HSD17B12: variants seen among roughly 807,000 people sequenced by gnomAD.
The protein encoded by HSD17B12 is very-long-chain 3-oxoacyl-CoA reductase.
A neutral mutation model predicts 39.3 loss-of-function variants in HSD17B12; 32 were observed. The ratio of observed to expected loss-of-function variants is 0.81; its 90% confidence interval spans 0.61 to 1.09. HSD17B12 has a LOEUF of 1.09. Among genes scored for constraint, HSD17B12 ranks in the 50% least tolerant of loss-of-function variants. The pLI is 0.00. For missense variants in HSD17B12, 342 were observed against 382.9 expected (o/e 0.89, Z 0.89); for synonymous variants, 150 against 146.7 (o/e 1.02, Z -0.16).
chr11:43,702,538 A>AT (rs1236252448), intron 1 of HSD17B12, among the ~76,000 whole-genome samples: 3 of 152,234 alleles, frequency 2.0e-5, no homozygotes, highest in Non-Finnish European at 2.9e-5. Context: ...ATTTTATCAA[A>AT]TGCTTTTTCA....
chr11:43,680,766 C>T lies in HSD17B12; in HGVS notation c.-62C>T. 6.8e-7 allele frequency: 1 copy of T among 1,477,642 alleles called. No individual in the cohort carries two copies. The highest frequency in any genetic ancestry group is 1.1e-5 in the South Asian group (1 of 88,212). 91.5% of individuals were successfully genotyped at this position (1,477,642 alleles called of 1,614,324 possible). ...ATCCTCACCGTCACGGCCGGCGCCTCCTCCTGGATTCATTCACTCGCTCTT... is the reference window on the plus strand; with the variant it reads ...ATCCTCACCGTCACGGCCGGCGCCTTCTCCTGGATTCATTCACTCGCTCTT... On this transcript the variant is annotated 5_prime_UTR_variant, in exon 1 of 11. Coordinates refer to ENST00000278353, the MANE Select transcript of HSD17B12 (RefSeq NM_016142.3).
chr11:43,741,426 A>G (rs1232716177), intron 1 of HSD17B12, among the ~76,000 whole-genome samples: 2 of 152,010 alleles, frequency 1.3e-5, no homozygotes, highest in Non-Finnish European at 2.9e-5. Flanking sequence ...AGTTTACACC[A>G]TTTTTCTATT....
the HSD17B12 span, among the ~76,000 whole-genome samples, chr11:43,571,633 A>T: frequency 1.2e-4 from 19 of 152,266 alleles, no homozygotes; most frequent in African/African-American, 4.6e-4. Context: ...TATTGTCTCA[A>T]CTGTTCTGAA....
intron 6 of HSD17B12, among the ~76,000 whole-genome samples, chr11:43,822,153 T>G (rs1475775474): frequency 6.6e-6 from 1 of 152,128 alleles, no homozygotes; most frequent in Admixed American, 6.6e-5. Flanking sequence ...ATTACCTTTT[T>G]CTTAGAGCAG....
At chr11:43,746,383 CT>C (rs998309275) in intron 1 of HSD17B12, among the ~76,000 whole-genome samples, 6 of 151,830 alleles carry the variant, frequency 4.0e-5, no homozygotes, top group Non-Finnish European at 5.9e-5. Context: ...ACTTTTTAAG[CT>C]TTTTTTTGTT....
intron 1 of HSD17B12, among the ~76,000 whole-genome samples, chr11:43,725,207 CTAGT>C (rs1590696358): frequency 6.6e-6 from 1 of 152,170 alleles, no homozygotes; most frequent in East Asian, 1.9e-4. Context: ...CAGTCATTTC[CTAGT>C]TTTGTTACCT....
At chr11:43,633,663 A>G in the HSD17B12 span, among the ~76,000 whole-genome samples, 1 of 152,252 alleles carries the variant, frequency 6.6e-6, no homozygotes, top group East Asian at 1.9e-4. Flanking sequence ...GAATGTTTTT[A>G]GCTGTTCCAC....
the HSD17B12 span, among the ~76,000 whole-genome samples, chr11:43,587,402 C>T: frequency 6.6e-6 from 1 of 151,740 alleles, no homozygotes; most frequent in Non-Finnish European, 1.5e-5. Context: ...AAATTTTTTT[C>T]ATTGAGTCTC....
At chr11:43,734,048 T>C in intron 1 of HSD17B12, 1 of 812,404 alleles carries the variant, frequency 1.2e-6, no homozygotes. Flanking sequence ...TCTTCCGGCC[T>C]ATCGCTAGCC....
chr11:43,757,404 C>A (rs559534172), intron 3 of HSD17B12, among the ~76,000 whole-genome samples: 1 of 151,010 alleles, frequency 6.6e-6, no homozygotes, highest in Non-Finnish European at 1.5e-5. Context: ...GAGGCCGAGG[C>A]GGGTGGATCA....
chr11:43,847,713 C>CAAAAAA (rs1391600484), intron 9 of HSD17B12, among the ~76,000 whole-genome samples: 1 of 17,572 alleles, frequency 5.7e-5, no homozygotes, highest in East Asian at 1.9e-3. Context: ...GACTCTGCCT[C>CAAAAAA]ACAAAAAAAA....
the HSD17B12 span, among the ~76,000 whole-genome samples, chr11:43,638,134 C>T: frequency 2.0e-5 from 3 of 152,148 alleles, no homozygotes; most frequent in Admixed American, 6.5e-5. Context: ...GCTTATATGG[C>T]GATATTCCAG....
chr11:43,734,693 G>A, intron 1 of HSD17B12: 2 of 244,326 alleles, frequency 8.2e-6, no homozygotes, highest in Non-Finnish European at 8.1e-6. Flanking sequence ...AAAAAGTGAA[G>A]GAAATAAAGG....
intron 4 of HSD17B12, among the ~76,000 whole-genome samples, chr11:43,800,519 A>C (rs1950956364): frequency 1.3e-5 from 2 of 152,068 alleles, no homozygotes; most frequent in Admixed American, 1.3e-4. Context: ...TGTACAAGGC[A>C]CTCTTTAGCT....
rs183567971 is a variant in HSD17B12, at chr11:43,827,765, G to A, written c.502-3211G>A. Reference sequence around the variant, plus strand: ...GTACTGATTTTGATTTTGTATAAGCGAAATAAGCCTCTTATTTATTTCCCA... The same window carrying A: ...GTACTGATTTTGATTTTGTATAAGCAAAATAAGCCTCTTATTTATTTCCCA... On this transcript the variant is annotated intron_variant, in intron 6 of 10. Coordinates refer to ENST00000278353, the MANE Select transcript of HSD17B12 (RefSeq NM_016142.3). 3.9e-5 allele frequency among the ~76,000 whole-genome samples: 6 copies of A among 152,142 alleles called. No individual in the cohort carries two copies. In the East Asian group the frequency reaches 1.2e-3, roughly 29 times the overall value.
intron 2 of HSD17B12, among the ~76,000 whole-genome samples, chr11:43,752,712 T>C (rs1950476617): frequency 6.6e-6 from 1 of 151,396 alleles, no homozygotes; most frequent in African/African-American, 2.4e-5. Flanking sequence ...AGACTCTGTC[T>C]CAAAAAAAAA....
intron 4 of HSD17B12, 33 bp from the exon 5 acceptor site, chr11:43,815,404 T>A: frequency 7.8e-7 from 1 of 1,281,324 alleles, no homozygotes; most frequent in South Asian, 1.5e-5. Flanking sequence ...AATATGCATA[T>A]GTTACTCAGC....
the HSD17B12 span, among the ~76,000 whole-genome samples, chr11:43,635,180 G>C: frequency 6.6e-6 from 1 of 152,110 alleles, no homozygotes; most frequent in Non-Finnish European, 1.5e-5. Flanking sequence ...TTGTTTGTTT[G>C]AAAATTTCCA....
At chr11:43,698,800 G>C (rs12275247) in intron 1 of HSD17B12, among the ~76,000 whole-genome samples, 76,147 of 152,068 alleles carry the variant, frequency 0.5, 19,516 homozygotes, top group Non-Finnish European at 0.53. Context: ...TAGAATTGCC[G>C]TATGAGTTGA....
Sources: gnomAD v4.1 joint callset for allele counts (sites outside exome capture counted in the v4.1 genomes callset) on GRCh38, gnomAD v4.1.1 for gene constraint, MANE v1.5 for transcripts, NCBI Gene and HGNC (gene_info 2026-07-23, HGNC 2026-07-21) for gene names.